Variants in ADGRB3 observed in about 807,000 individuals in gnomAD.
The protein encoded by ADGRB3 is adhesion G protein-coupled receptor B3.
In ADGRB3, 37 loss-of-function variants were observed where a neutral mutation model predicts 193.4. The ratio of observed to expected loss-of-function variants is 0.19; its 90% CI spans 0.15 to 0.25. ADGRB3 has a LOEUF of 0.25. Ranked by LOEUF, ADGRB3 falls within the 10% of genes least tolerant of loss-of-function variation. The pLI is 1.00. For missense variants in ADGRB3, 1,637 were observed against 1,852.9 expected, an observed-to-expected ratio of 0.88 and a Z score of 2.14; for synonymous variants, 690 against 644.2, an observed-to-expected ratio of 1.07 and a Z score of -1.08.
intron 3 of ADGRB3, among the ~76,000 whole-genome samples, chr6:68,696,934 T>C (rs1463534104): frequency 6.6e-6 from 1 of 152,064 alleles, no homozygotes; most frequent in African/African-American, 2.4e-5. Context: ...AAATGTCTTG[T>C]ACTGTGGTAC....
intron 4 of ADGRB3, among the ~76,000 whole-genome samples, chr6:68,935,397 G>A (rs969712887): frequency 1.3e-5 from 2 of 152,102 alleles, no homozygotes; most frequent in African/African-American, 4.8e-5. Flanking sequence ...TCTAGAAAAC[G>A]ATGGACAAAT....
At chr6:69,196,766 A>G (rs1765305737) in intron 17 of ADGRB3, among the ~76,000 whole-genome samples, 1 of 152,104 alleles carries the variant, frequency 6.6e-6, no homozygotes, top group Non-Finnish European at 1.5e-5. Context: ...ATAATGAGAG[A>G]GCAGAGCAAG....
chr6:69,235,589 C>G (rs1403092635), intron 19 of ADGRB3, among the ~76,000 whole-genome samples: 1 of 151,950 alleles, frequency 6.6e-6, no homozygotes, highest in Non-Finnish European at 1.5e-5. Context: ...ACTAGTGAAC[C>G]CTTCTATGCT....
chr6:68,988,653 A>G (rs1307196576), intron 10 of ADGRB3, among the ~76,000 whole-genome samples: 1 of 152,158 alleles, frequency 6.6e-6, no homozygotes, highest in Admixed American at 6.6e-5. Context: ...CCAGAACTGT[A>G]GGAAAAAGCT....
At chr6:68,793,907 A>T (rs1158914556) in intron 3 of ADGRB3, among the ~76,000 whole-genome samples, 1 of 152,224 alleles carries the variant, frequency 6.6e-6, no homozygotes, top group Non-Finnish European at 1.5e-5. Flanking sequence ...TCATCATTGA[A>T]GCATTTTTTG....
At chr6:68,715,860 GA>G (rs1457959654) in intron 3 of ADGRB3, among the ~76,000 whole-genome samples, 1 of 151,644 alleles carries the variant, frequency 6.6e-6, no homozygotes, top group Non-Finnish European at 1.5e-5. Flanking sequence ...CCCAAAATAA[GA>G]GCAGAAATGA....
chr6:69,172,643 C>CAAAAAAAAAAAAAAAAAAAAAA (rs70987454), intron 17 of ADGRB3, among the ~76,000 whole-genome samples: 10 of 26,826 alleles, frequency 3.7e-4, no homozygotes, highest in Admixed American at 6.6e-4. Context: ...GACTCTGTCT[C>CAAAAAAAAAAAAAAAAAAAAAA]AAAAAAAAAA....
At chr6:69,137,056 C>CTTTTT (rs71548125) in intron 17 of ADGRB3, among the ~76,000 whole-genome samples, 4 of 80,108 alleles carry the variant, frequency 5.0e-5, no homozygotes, top group African/African-American at 1.6e-4. Flanking sequence ...TCTTTTCTTT[C>CTTTTT]TTTTTTTTTT....
intron 8 of ADGRB3, among the ~76,000 whole-genome samples, chr6:68,968,600 A>T (rs1768461450): frequency 6.6e-6 from 1 of 152,220 alleles, no homozygotes; most frequent in African/African-American, 2.4e-5. Flanking sequence ...AATGAGGGAG[A>T]TAATAAACAG....
chr6:69,212,538 A>G (rs1003693495), intron 17 of ADGRB3, among the ~76,000 whole-genome samples: 52 of 151,926 alleles, frequency 3.4e-4, no homozygotes, highest in African/African-American at 1.3e-3. Context: ...AAAAAAAATA[A>G]AGGATCCCCA....
intron 17 of ADGRB3, among the ~76,000 whole-genome samples, chr6:69,083,809 C>G (rs577874588): frequency 1.5e-5 from 2 of 134,652 alleles, no homozygotes; most frequent in East Asian, 4.3e-4. Context: ...GAGTCTCGCT[C>G]TGTCACCAAG....
At chr6:68,782,706 C>A (rs1313750338) in intron 3 of ADGRB3, among the ~76,000 whole-genome samples, 2 of 152,114 alleles carry the variant, frequency 1.3e-5, no homozygotes, top group African/African-American at 4.8e-5. Context: ...TTTTGATTTG[C>A]ATTTCTCTGA....
intron 3 of ADGRB3, among the ~76,000 whole-genome samples, chr6:68,923,067 G>A (rs1318458020): frequency 2.6e-5 from 4 of 152,004 alleles, no homozygotes; most frequent in Non-Finnish European, 2.9e-5. Context: ...AATTATAAAC[G>A]CTATATACAT....
intron 11 of ADGRB3, among the ~76,000 whole-genome samples, chr6:69,001,729 T>G (rs1769583871): frequency 6.6e-6 from 1 of 152,208 alleles, no homozygotes; most frequent in South Asian, 2.1e-4. Context: ...CAGTGTACTG[T>G]GTTCCTGAAA....
At chr6:68,831,222 A>T (rs514518) in intron 3 of ADGRB3, among the ~76,000 whole-genome samples, 7 of 150,310 alleles carry the variant, frequency 4.7e-5, no homozygotes, top group Non-Finnish European at 4.4e-5. Flanking sequence ...TGAGTACAAA[A>T]GACAGAAAAG....
chr6:69,124,992 A>C (rs2150331698), intron 17 of ADGRB3, among the ~76,000 whole-genome samples: 1 of 151,818 alleles, frequency 6.6e-6, no homozygotes, highest in South Asian at 2.1e-4. Context: ...GGGGAATCTT[A>C]TGTATGGTGG....
At chr6:69,124,126 G>A (rs754688602) in intron 17 of ADGRB3, among the ~76,000 whole-genome samples, 1 of 151,296 alleles carries the variant, frequency 6.6e-6, no homozygotes, top group African/African-American at 2.4e-5. Context: ...TTAACTCTCT[G>A]TAATTTTTGA....
intron 3 of ADGRB3, among the ~76,000 whole-genome samples, chr6:68,720,930 A>G (rs1562005301): frequency 6.6e-6 from 1 of 151,890 alleles, no homozygotes; most frequent in Admixed American, 6.6e-5. Flanking sequence ...ATTTTAATAC[A>G]ATGTTTAAGC....
intron 17 of ADGRB3, among the ~76,000 whole-genome samples, chr6:69,091,331 C>T (rs1582453604): frequency 6.6e-6 from 1 of 152,146 alleles, no homozygotes; most frequent in Non-Finnish European, 1.5e-5. Flanking sequence ...TATAAAAACA[C>T]ATGCATGAGT....
Sources: gnomAD v4.1 joint callset for allele counts (sites outside exome capture counted in the v4.1 genomes callset) on GRCh38, gnomAD v4.1.1 for gene constraint, MANE v1.5 for transcripts, NCBI Gene and HGNC (gene_info 2026-07-23, HGNC 2026-07-21) for gene names.